The following RGMA variants were observed in gnomAD, a reference collection of about 807,000 sequenced individuals.
The protein encoded by RGMA is repulsive guidance molecule BMP co-receptor a.
RGMA carries 10 observed loss-of-function variants against 23.2 expected under a neutral mutation model. The observed-to-expected ratio is 0.43, with a 90% CI of 0.27 to 0.73. The LOEUF is 0.73. RGMA is among the 30% of genes least tolerant of loss of function. The pLI is 0.20. For synonymous variants in RGMA, 308 were observed against 279.3 expected, an observed-to-expected ratio of 1.10 and a Z score of -1.03; for missense variants, 547 against 630.5, an observed-to-expected ratio of 0.87 and a Z score of 1.42.
chr15:93,088,325 G>T (rs1895674789), intron 1 of RGMA: 28 of 985,600 alleles, frequency 2.8e-5, no homozygotes, highest in Non-Finnish European at 3.4e-5. Flanking sequence ...TCGTCGCCGT[G>T]CCCTCCCGTC....
intron 2 of RGMA, among the ~76,000 whole-genome samples, chr15:93,064,844 A>G (rs1895088550): frequency 6.6e-6 from 1 of 152,214 alleles, no homozygotes; most frequent in South Asian, 2.1e-4. Context: ...CAAGAGGCAG[A>G]GGGCCTTTGG....
chr15:93,076,230 G>A (rs1024306964), intron 1 of RGMA, among the ~76,000 whole-genome samples: 31 of 152,066 alleles, frequency 2.0e-4, no homozygotes, highest in African/African-American at 7.3e-4. Flanking sequence ...CACTGGCTGT[G>A]GAGGCCTCAA....
chr15:93,049,688 G>A (rs981783548), intron 3 of RGMA, among the ~76,000 whole-genome samples: 7 of 152,338 alleles, frequency 4.6e-5, no homozygotes, highest in African/African-American at 1.7e-4. Context: ...GCTTGCACAC[G>A]GAGCTTCTGC....
chr15:93,076,859 G>A (rs1895480532), intron 1 of RGMA, among the ~76,000 whole-genome samples: 2 of 152,200 alleles, frequency 1.3e-5, no homozygotes, highest in African/African-American at 2.4e-5. Context: ...GAGCAAGTCC[G>A]CACCGGGCTT....
At chr15:93,073,739 T>C in intron 1 of RGMA, 1 of 1,537,188 alleles carries the variant, frequency 6.5e-7, no homozygotes, top group Non-Finnish European at 8.7e-7. Flanking sequence ...CCGCCCGTCG[T>C]GGCCCCAGGC....
At chr15:93,056,189 C>T (rs913971632) in intron 2 of RGMA, among the ~76,000 whole-genome samples, 1 of 152,208 alleles carries the variant, frequency 6.6e-6, no homozygotes, top group Non-Finnish European at 1.5e-5. Context: ...TTCTTTTCAA[C>T]GGTCACAGAA....
intron 3 of RGMA, among the ~76,000 whole-genome samples, chr15:93,048,212 T>C (rs935773914): frequency 3.3e-5 from 5 of 152,064 alleles, no homozygotes; most frequent in African/African-American, 1.2e-4. Context: ...GCATAAGATT[T>C]CGGGATGATG....
At chr15:93,088,232 C>T in intron 1 of RGMA, 1 of 864,850 alleles carries the variant, frequency 1.2e-6, no homozygotes, top group Non-Finnish European at 1.4e-6. Context: ...GCGTCCCCCA[C>T]ACCCGCCCTC....
intron 3 of RGMA, among the ~76,000 whole-genome samples, chr15:93,046,445 A>G (rs1329128871): frequency 6.6e-6 from 1 of 152,186 alleles, no homozygotes. Flanking sequence ...CTCCACAATT[A>G]TAAAACATTT....
At chr15:93,088,056 A>T (rs1382468270) in intron 1 of RGMA, among the ~76,000 whole-genome samples, 1 of 152,190 alleles carries the variant, frequency 6.6e-6, no homozygotes, top group Non-Finnish European at 1.5e-5. Flanking sequence ...CGCCCGCGAG[A>T]CACCCAATTT....
At chr15:93,085,125 G>C (rs576571033) in intron 1 of RGMA, among the ~76,000 whole-genome samples, 1 of 152,254 alleles carries the variant, frequency 6.6e-6, no homozygotes, top group African/African-American at 2.4e-5. Flanking sequence ...GTTTCACAAG[G>C]ACAGAAGAAT....
intron 1 of RGMA, among the ~76,000 whole-genome samples, chr15:93,087,710 C>A (rs1056423376): frequency 6.6e-6 from 1 of 152,192 alleles, no homozygotes; most frequent in African/African-American, 2.4e-5. Context: ...GAAGGGGCAT[C>A]TTCTTACAGC....
intron 2 of RGMA, among the ~76,000 whole-genome samples, chr15:93,065,029 G>A (rs1232167702): frequency 2.6e-5 from 4 of 151,438 alleles, no homozygotes; most frequent in African/African-American, 4.9e-5. Flanking sequence ...CCAGACTGGA[G>A]TGCAGCAGTG....
intron 3 of RGMA, among the ~76,000 whole-genome samples, chr15:93,051,563 T>G (rs1418086176): frequency 6.6e-6 from 1 of 151,078 alleles, no homozygotes; most frequent in Non-Finnish European, 1.5e-5. Flanking sequence ...TGCGGCCCCA[T>G]GAGCAGGACC....
chr15:93,059,409 G>C (rs935242234), intron 2 of RGMA, among the ~76,000 whole-genome samples: 8 of 152,184 alleles, frequency 5.3e-5, no homozygotes, highest in Non-Finnish European at 8.8e-5. Context: ...AAACTCTCAG[G>C]GAACTTGGAT....
At chr15:93,060,951 C>T (rs1461823169) in intron 2 of RGMA, among the ~76,000 whole-genome samples, 2 of 152,216 alleles carry the variant, frequency 1.3e-5, no homozygotes, top group Non-Finnish European at 2.9e-5. Flanking sequence ...CTCAGCTTCC[C>T]TGCGCCACCT....
chr15:93,078,355 C>A (rs1324454830), intron 1 of RGMA, among the ~76,000 whole-genome samples: 1 of 152,204 alleles, frequency 6.6e-6, no homozygotes, highest in Non-Finnish European at 1.5e-5. Flanking sequence ...AAGAATTTGA[C>A]AACATTTCTT....
intron 2 of RGMA, among the ~76,000 whole-genome samples, chr15:93,056,039 G>A (rs879163106): frequency 6.6e-6 from 1 of 152,182 alleles, no homozygotes; most frequent in African/African-American, 2.4e-5. Context: ...CCCAGATGAG[G>A]CTGTACTGGG....
Position 93,088,986 on chromosome 15 carries a change from G to A in RGMA, c.-54C>T. On this transcript the variant is annotated 5_prime_UTR_variant, in exon 1 of 4. Transcript: ENST00000329082. ...CTGGCGGGGCTGCGGGAGAAGAGGGGGTGTCGGGGCGCCGCTCGTCTGCCC... is the reference window on the plus strand; with the variant it reads ...CTGGCGGGGCTGCGGGAGAAGAGGGAGTGTCGGGGCGCCGCTCGTCTGCCC... The A allele has an allele frequency of 7.9e-7, 1 of 1,266,630 alleles. No individual in the cohort carries two copies. Among genetic ancestry groups the A allele is most frequent in the Non-Finnish European group, 1.0e-6 (1 of 978,932 alleles). 78.5% of individuals were successfully genotyped at this position (1,266,630 alleles called of 1,614,324 possible).
Sources: gnomAD v4.1 joint callset for allele counts (sites outside exome capture counted in the v4.1 genomes callset) on GRCh38, gnomAD v4.1.1 for gene constraint, MANE v1.5 for transcripts, NCBI Gene and HGNC (gene_info 2026-07-23, HGNC 2026-07-21) for gene names.